NCR3LG1: variants seen among roughly 807,000 people sequenced by gnomAD.
NCR3LG1 encodes natural cytotoxicity triggering receptor 3 ligand 1.
A neutral mutation model predicts 34.8 loss-of-function variants in NCR3LG1; 35 were observed. The ratio of observed to expected loss-of-function variants is 1.01; its 90% CI spans 0.77 to 1.33. The LOEUF (loss-of-function observed/expected upper bound fraction) is 1.33, where lower values mean the gene tolerates loss of function less well. NCR3LG1 is among the 40% of genes most tolerant of loss of function. NCR3LG1 has a pLI of 0.00. For missense variants in NCR3LG1, 452 were observed against 423.3 expected, an observed-to-expected ratio of 1.07 and a Z score of -0.60; for synonymous variants, 173 against 163.6, an observed-to-expected ratio of 1.06 and a Z score of -0.44.
chr11:17,368,845 T>A, intron 3 of NCR3LG1, 22 bp from the exon 4 acceptor site: 1 of 1,477,010 alleles, frequency 6.8e-7, no homozygotes, highest in Non-Finnish European at 9.1e-7. Flanking sequence ...TTCCTGCTAA[T>A]GTTTTCCTTC....
chr11:17,367,204 C>A lies in NCR3LG1; in HGVS notation c.617C>A (p.Thr206Lys). Residue 206 changes from threonine to lysine, a missense_variant, in exon 3 of 5, where the codon ACA becomes AAA. Transcript: ENST00000338965. The stretch of plus-strand genomic sequence containing the variant: ...CCCACCATCAAGAATATGGATGGCA[C>A]ATTTAATGTCACTAGCTGCTTGAAG... ...TGPTIKNMDG[T>K]FNVTSCLKLN... 1 of 1,536,508 alleles carries A rather than the reference C, an allele frequency of 6.5e-7. No homozygotes were observed.
rs1953434955 is a variant in NCR3LG1 at position 17,373,407 on chromosome 11, C to T, written c.*895C>T. ...AAGAAGAAGCCACCTCAACCCTGTC[C>T]AGTATACAATGGGGACCACTGGAAG... On this transcript the variant is annotated 3_prime_UTR_variant, in exon 5 of 5. Transcript: ENST00000338965. 6.6e-6 allele frequency: 1 copy of T among 152,420 alleles called. No individual in the cohort carries two copies. The allele number at this position is 152,420 out of a possible 1,614,324, so 9.4% of individuals were successfully genotyped here.
downstream of NCR3LG1, among the ~76,000 whole-genome samples, chr11:17,378,147 C>T (rs571848672): frequency 2.0e-5 from 3 of 152,198 alleles, no homozygotes; most frequent in Non-Finnish European, 4.4e-5. Context: ...ACTCTTTAGC[C>T]TCAGTAGTTA....
At chr11:17,363,715 G>A (rs1047028118) in intron 2 of NCR3LG1, among the ~76,000 whole-genome samples, 3 of 151,806 alleles carry the variant, frequency 2.0e-5, no homozygotes, top group Admixed American at 1.3e-4. Flanking sequence ...TCCCACCTCC[G>A]CCTTCCAAGT....
chr11:17,361,657 T>G (rs1953270898), intron 2 of NCR3LG1, among the ~76,000 whole-genome samples: 1 of 152,260 alleles, frequency 6.6e-6, no homozygotes, highest in Non-Finnish European at 1.5e-5. Context: ...TGATTTTTGC[T>G]TATTAACTTT....
In NCR3LG1 at chr11:17,376,397, CT is replaced by C. The variant is rs1462720517; in HGVS notation, c.*3890del. On this transcript the variant is annotated 3_prime_UTR_variant, in exon 5 of 5. Transcript: ENST00000338965. ...CCCAGTAGGGCCGAGTCTGCTAGGACTTTTTATTGGGTTTGGTAATACGTCA... is the reference window on the plus strand; with the variant it reads ...CCCAGTAGGGCCGAGTCTGCTAGGACTTTTATTGGGTTTGGTAATACGTCA... 3 of 152,170 alleles carry C rather than the reference CT, an allele frequency of 2.0e-5. No individual in the cohort carries two copies. Among genetic ancestry groups the C allele is most frequent in the Non-Finnish European group, 2.9e-5 (2 of 68,020 alleles). The allele number at this position is 152,170 out of a possible 1,614,324, so 9.4% of individuals were successfully genotyped here.
chr11:17,356,687 A>G lies in NCR3LG1; in HGVS notation c.107A>G (p.Gln36Arg), dbSNP rs574856970. 58 of 1,536,002 alleles carry G rather than the reference A, an allele frequency of 3.8e-5. No individual in the cohort carries two copies. The African/African-American group carries it at 7.8e-4, about 21-fold the overall frequency. ...LKVEMMAGGT[Q>R]ITPLNDNVTI... is the part of the protein sequence containing the mutation. The stretch of plus-strand genomic sequence containing the variant: ...GTAGAGATGATGGCAGGGGGGACTC[A>G]GATCACACCCCTGAATGACAATGTC... The change falls in exon 2 of 5, where the codon CAG (glutamine) becomes CGG (arginine). Residue 36 changes from glutamine (Q) to arginine (R), a missense_variant. Coordinates refer to ENST00000338965, the MANE Select transcript of NCR3LG1 (RefSeq NM_001202439.3).
At chr11:17,362,756 CTTTCT>C (rs1953292524) in intron 2 of NCR3LG1, among the ~76,000 whole-genome samples, 2 of 116,706 alleles carry the variant, frequency 1.7e-5, no homozygotes, top group East Asian at 4.8e-4. Flanking sequence ...TTCTTTCTTT[CTTTCT>C]TTCTTTCCTT....
downstream of NCR3LG1, among the ~76,000 whole-genome samples, chr11:17,379,777 TA>T (rs1347531372): frequency 6.6e-6 from 1 of 152,258 alleles, no homozygotes; most frequent in Non-Finnish European, 1.5e-5. Flanking sequence ...AAATGTTTTT[TA>T]AAGCCACTGT....
Position 17,356,996 on chromosome 11 carries a change from T to C in NCR3LG1, c.416T>C (p.Val139Ala). Reference protein sequence around the residue: ...LKAQGTVQLEVVASPASRLLL... With the variant: ...LKAQGTVQLEAVASPASRLLL... Reference sequence around the variant, plus strand: ...GCACAGGGAACAGTCCAGCTTGAAGTTGTGGGTGAGTGTCTCGGGGCAGTG... The same window carrying C: ...GCACAGGGAACAGTCCAGCTTGAAGCTGTGGGTGAGTGTCTCGGGGCAGTG... Residue 139 changes from valine to alanine, a missense_variant, in exon 2 of 5, where the codon GTT (valine) becomes GCT (alanine). Val to Ala is a moderately conservative substitution (Grantham distance 64). Transcript: ENST00000338965. 4.0e-6 allele frequency: 6 copies of C among 1,514,056 alleles called. No individual in the cohort carries two copies. The highest frequency in any genetic ancestry group is 5.3e-6 in the Non-Finnish European group (6 of 1,134,024). 93.8% of individuals were successfully genotyped at this position (1,514,056 alleles called of 1,614,324 possible). A position where few individuals can be genotyped will look rare whatever the true frequency, so the allele number is the denominator to read the frequency against.
Position 17,376,348 on chromosome 11 carries a change from G to A in NCR3LG1, c.*3836G>A, listed in dbSNP as rs550774958. On this transcript the variant is annotated 3_prime_UTR_variant, in exon 5 of 5. Coordinates refer to ENST00000338965, the MANE Select transcript of NCR3LG1 (RefSeq NM_001202439.3). ...CCTAAGTACTTCCAAAACAACAATG[G>A]TCCCTCATTTAAAGAAGCCTCTACC... 1.3e-5 allele frequency: 2 copies of A among 152,172 alleles called. No homozygotes were observed. Among genetic ancestry groups the A allele is most frequent in the East Asian group, 3.9e-4 (2 of 5,178 alleles). 9.4% of individuals were successfully genotyped at this position (152,172 alleles called of 1,614,324 possible).
intron 4 of NCR3LG1, among the ~76,000 whole-genome samples, chr11:17,371,685 G>A (rs1953407277): frequency 1.3e-5 from 2 of 152,194 alleles, no homozygotes; most frequent in South Asian, 4.1e-4. Context: ...TCCTTAAAGG[G>A]TCTTGCCCCA....
chr11:17,359,243 A>G (rs1338683497), intron 2 of NCR3LG1, among the ~76,000 whole-genome samples: 1 of 152,228 alleles, frequency 6.6e-6, no homozygotes, highest in African/African-American at 2.4e-5. Context: ...ACCTCTGCAT[A>G]TACACATATC....
At chr11:17,357,035 A>G (rs925863226) in intron 2 of NCR3LG1, 34 bp downstream of exon 2, 1 of 1,404,570 alleles carries the variant, frequency 7.1e-7, no homozygotes, top group Admixed American at 2.5e-5. Context: ...TACAGTTCCC[A>G]TGGTGTTGGG....
intron 2 of NCR3LG1, among the ~76,000 whole-genome samples, chr11:17,364,569 G>A (rs1318678646): frequency 1.2e-4 from 18 of 147,926 alleles, no homozygotes; most frequent in Non-Finnish European, 3.0e-5. Flanking sequence ...TTTTTGAGAC[G>A]GAGTTTTGCT....
rs1953462642 is a variant in NCR3LG1 at position 17,375,250 on chromosome 11, G to T, written c.*2738G>T. ...TGATCCCAGACACTTTCCTCCCAGAGGAAACTGGAGAAACTGAACATAATT... is the reference window on the plus strand; with the variant it reads ...TGATCCCAGACACTTTCCTCCCAGATGAAACTGGAGAAACTGAACATAATT... On this transcript the variant is annotated 3_prime_UTR_variant, in exon 5 of 5. Transcript: ENST00000338965. The T allele has an allele frequency of 1.3e-5, 2 of 152,170 alleles. No individual in the cohort carries two copies. Among genetic ancestry groups the T allele is most frequent in the Non-Finnish European group, 2.9e-5 (2 of 68,032 alleles). The allele number at this position is 152,170 out of a possible 1,614,324, so 9.4% of individuals were successfully genotyped here.
intron 2 of NCR3LG1, among the ~76,000 whole-genome samples, chr11:17,366,173 C>T (rs1304882878): frequency 6.6e-6 from 1 of 152,180 alleles, no homozygotes; most frequent in African/African-American, 2.4e-5. Flanking sequence ...GATATGGCAG[C>T]TAGCTCTGTG....
intron 2 of NCR3LG1, among the ~76,000 whole-genome samples, chr11:17,361,907 A>C (rs1456501364): frequency 2.0e-5 from 3 of 152,228 alleles, no homozygotes; most frequent in Non-Finnish European, 2.9e-5. Flanking sequence ...GGCCTCCCAA[A>C]GTGCTGGGAT....
At chr11:17,355,643 A>T (rs192395997) in intron 1 of NCR3LG1, among the ~76,000 whole-genome samples, 3 of 152,194 alleles carry the variant, frequency 2.0e-5, no homozygotes, top group Non-Finnish European at 4.4e-5. Context: ...TTTATTTCTC[A>T]TGATTCTGGA....
Sources: gnomAD v4.1 joint callset for allele counts (sites outside exome capture counted in the v4.1 genomes callset) on GRCh38, gnomAD v4.1.1 for gene constraint, MANE v1.5 for transcripts, NCBI Gene and HGNC (gene_info 2026-07-23, HGNC 2026-07-21) for gene names.